Variants in HMGCLL1 observed in about 807,000 individuals in gnomAD.
HMGCLL1 encodes 3-hydroxymethyl-3-methylglutaryl-CoA lyase, cytoplasmic.
A neutral mutation model predicts 39.1 loss-of-function variants in HMGCLL1; 36 were observed. That is an observed-to-expected ratio of 0.92 (90% CI 0.71 to 1.22). HMGCLL1 has a LOEUF of 1.22. Ranked by LOEUF, HMGCLL1 falls within the 50% of genes most tolerant of loss-of-function variation. The pLI, the probability that HMGCLL1 is intolerant of heterozygous loss-of-function variation, is 0.00. For missense variants in HMGCLL1, 451 were observed against 416.5 expected (o/e 1.08, Z -0.72); for synonymous variants, 149 against 144.0 (o/e 1.03, Z -0.25).
At chr6:55,590,151 T>C in the HMGCLL1 span, among the ~76,000 whole-genome samples, 1 of 152,110 alleles carries the variant, frequency 6.6e-6, no homozygotes, top group Non-Finnish European at 1.5e-5. Flanking sequence ...GACTTCAAAC[T>C]ATACTACAAG....
the HMGCLL1 span, among the ~76,000 whole-genome samples, chr6:55,585,009 C>T: frequency 6.6e-6 from 1 of 151,686 alleles, no homozygotes; most frequent in South Asian, 2.1e-4. Context: ...TTTTAGATAA[C>T]TTCTCACATA....
intron 3 of HMGCLL1, among the ~76,000 whole-genome samples, chr6:55,534,025 T>G (rs534636101): frequency 9.5e-4 from 145 of 152,110 alleles, no homozygotes; most frequent in Non-Finnish European, 1.9e-3. Context: ...AGACAGTGAT[T>G]TGTGTGGCGG....
chr6:55,630,140 G>T, the HMGCLL1 span, among the ~76,000 whole-genome samples: 1 of 152,284 alleles, frequency 6.6e-6, no homozygotes, highest in Non-Finnish European at 1.5e-5. Context: ...GCATCTAGAA[G>T]GAGGAGTATA....
chr6:55,519,901 C>A (rs1475437184), intron 3 of HMGCLL1, among the ~76,000 whole-genome samples: 1 of 151,956 alleles, frequency 6.6e-6, no homozygotes, highest in Non-Finnish European at 1.5e-5. Context: ...TTAATTCATT[C>A]TGCACATAAT....
chr6:55,597,938 T>A, the HMGCLL1 span, among the ~76,000 whole-genome samples: 1 of 152,122 alleles, frequency 6.6e-6, no homozygotes, highest in Admixed American at 6.5e-5. Flanking sequence ...TAAAAATAAA[T>A]ATTTGGGGAA....
intron 7 of HMGCLL1, among the ~76,000 whole-genome samples, chr6:55,488,514 C>T (rs998450804): frequency 2.6e-5 from 4 of 152,018 alleles, no homozygotes; most frequent in African/African-American, 7.2e-5. Context: ...ACCAATAAAC[C>T]TTTTTTTGGT....
At chr6:55,620,774 G>T in the HMGCLL1 span, among the ~76,000 whole-genome samples, 2 of 151,956 alleles carry the variant, frequency 1.3e-5, no homozygotes, top group Non-Finnish European at 2.9e-5. Flanking sequence ...ATTTTGATTT[G>T]ATTTTTGTTT....
the HMGCLL1 span, among the ~76,000 whole-genome samples, chr6:55,584,809 T>C: frequency 4.6e-5 from 7 of 152,060 alleles, no homozygotes; most frequent in Non-Finnish European, 1.0e-4. Context: ...AGATACCTAT[T>C]GGGCAGGGAT....
the HMGCLL1 span, among the ~76,000 whole-genome samples, chr6:55,614,279 G>A: frequency 6.6e-6 from 1 of 152,086 alleles, no homozygotes. Flanking sequence ...CATGAGAGTG[G>A]AGCCCTAATG....
chr6:55,475,470 C>T (rs888747203), intron 7 of HMGCLL1, among the ~76,000 whole-genome samples: 5 of 151,562 alleles, frequency 3.3e-5, no homozygotes, highest in African/African-American at 1.2e-4. Flanking sequence ...GCCTCTCTCT[C>T]CAGATTTCAG....
chr6:55,460,188 G>A (rs982973322), intron 7 of HMGCLL1, among the ~76,000 whole-genome samples: 1 of 151,914 alleles, frequency 6.6e-6, no homozygotes, highest in Non-Finnish European at 1.5e-5. Flanking sequence ...TTTTAGAGAG[G>A]TGGGACTCTT....
At chr6:55,667,380 T>A in the HMGCLL1 span, among the ~76,000 whole-genome samples, 1 of 151,836 alleles carries the variant, frequency 6.6e-6, no homozygotes, top group Non-Finnish European at 1.5e-5. Flanking sequence ...AGGGTTTACA[T>A]TTACCTCATT....
In HMGCLL1 at chr6:55,435,638, C is replaced by T. The variant is rs200563821; in HGVS notation, c.*24G>A. The T allele has an allele frequency of 1.7e-4, 232 of 1,346,338 alleles. No individual in the cohort carries two copies. In the Admixed American group the frequency reaches 1.8e-3, roughly 10 times the overall value. The allele number at this position is 1,346,338 out of a possible 1,614,324, so 83.4% of individuals were successfully genotyped here. A position where few individuals can be genotyped will look rare whatever the true frequency, so the allele number is the denominator to read the frequency against. On this transcript the variant is annotated 3_prime_UTR_variant, in exon 9 of 9. Transcript: ENST00000274901. ...TTGTAGCTGAAATTGATCTTCTCAACGGTACGTCATAAATCCATTCAAGTC... is the reference window on the plus strand; with the variant it reads ...TTGTAGCTGAAATTGATCTTCTCAATGGTACGTCATAAATCCATTCAAGTC...
chr6:55,617,840 C>A, the HMGCLL1 span, among the ~76,000 whole-genome samples: 2 of 152,028 alleles, frequency 1.3e-5, no homozygotes, highest in East Asian at 1.9e-4. Context: ...AGGTCCACAG[C>A]AGGATGGCTC....
At chr6:55,507,053 T>C (rs530877689) in intron 5 of HMGCLL1, among the ~76,000 whole-genome samples, 21 of 151,748 alleles carry the variant, frequency 1.4e-4, no homozygotes, top group African/African-American at 5.1e-4. Context: ...AGAAAACATG[T>C]TCTGACTGAG....
intron 7 of HMGCLL1, among the ~76,000 whole-genome samples, chr6:55,491,937 AAT>A (rs940662699): frequency 5.3e-5 from 8 of 152,082 alleles, no homozygotes; most frequent in African/African-American, 1.9e-4. Flanking sequence ...ATAAAAAAAA[AAT>A]AAAACCCAGG....
chr6:55,563,877 G>A (rs1771084873), intron 1 of HMGCLL1: 2 of 1,288,032 alleles, frequency 1.6e-6, no homozygotes, highest in Admixed American at 2.3e-5. Flanking sequence ...CTTCCTGAGA[G>A]GTCCATGGTG....
chr6:55,601,841 C>A, the HMGCLL1 span, among the ~76,000 whole-genome samples: 1 of 151,946 alleles, frequency 6.6e-6, no homozygotes, highest in African/African-American at 2.4e-5. Context: ...ACTATACAAC[C>A]CCAATATTTC....
chr6:55,585,628 T>A, the HMGCLL1 span, among the ~76,000 whole-genome samples: 3 of 152,088 alleles, frequency 2.0e-5, no homozygotes, highest in African/African-American at 7.2e-5. Context: ...GCATTTAGTA[T>A]TTTTCTTTGC....
Sources: allele counts gnomAD v4.1 joint callset (sites outside exome capture counted in the v4.1 genomes callset), GRCh38; gene constraint gnomAD v4.1.1; transcripts MANE v1.5; gene names NCBI Gene and HGNC (gene_info 2026-07-23, HGNC 2026-07-21).